The following PCDHGA4 variants were observed in gnomAD, a reference collection of about 807,000 sequenced individuals.
The protein encoded by PCDHGA4 is protocadherin gamma subfamily A, 4.
In PCDHGA4, 38 loss-of-function variants were observed where a neutral mutation model predicts 54.6. The observed-to-expected ratio is 0.70, with a 90% CI of 0.54 to 0.91. The LOEUF is 0.91. Among genes scored for constraint, PCDHGA4 ranks in the 40% least tolerant of loss-of-function variants. The pLI is 0.00. For missense variants in PCDHGA4, 1,298 were observed against 1,220.9 expected (o/e 1.06, Z -0.94); for synonymous variants, 511 against 512.9 (o/e 1.00, Z 0.05).
chr5:141,505,338 G>T, intron 2 of PCDHGA4, 55 bp from the exon 3 acceptor site: 1 of 1,612,254 alleles, frequency 6.2e-7, no homozygotes, highest in South Asian at 1.1e-5. Flanking sequence ...GGACAGGAGG[G>T]GCATGAGCTG....
At chr5:141,369,679 CAT>C (rs1189576308) in intron 1 of PCDHGA4, among the ~76,000 whole-genome samples, 3 of 152,162 alleles carry the variant, frequency 2.0e-5, no homozygotes, top group Middle Eastern at 3.4e-3. Flanking sequence ...GAAAGTGAAA[CAT>C]AGAATAAAAC....
At position 141,402,911 on chromosome 5, in the gene PCDHGA4, C is replaced by CT. The variant is rs2094320554; in HGVS notation, c.2514+45290_2514+45291insT. 6 of 1,551,858 alleles carry CT rather than the reference C, an allele frequency of 3.9e-6. No homozygotes were observed. In the African/African-American group the frequency reaches 8.2e-5, roughly 21 times the overall value. ...GAAGAAAGAACCTGATGAAGCAGCG[C>CT]GCACAGAGATCCTTTTGAGAAAATT... On this transcript the variant is annotated intron_variant, in intron 1 of 3. Coordinates refer to ENST00000571252, the MANE Select transcript of PCDHGA4 (RefSeq NM_018917.4).
At chr5:141,442,158 A>T (rs966591795) in intron 1 of PCDHGA4, 1 of 157,594 alleles carries the variant, frequency 6.3e-6, no homozygotes, top group African/African-American at 2.4e-5. Context: ...CTCAGCGATC[A>T]CTCTGCAAAG....
Position 141,431,240 on chromosome 5 carries a change from G to A in PCDHGA4, c.2515-63567G>A, listed in dbSNP as rs1402814836. 6 of 1,614,044 alleles carry A rather than the reference G, an allele frequency of 3.7e-6. No individual in the cohort carries two copies. Among genetic ancestry groups the A allele is most frequent in the Non-Finnish European group, 5.1e-6 (6 of 1,180,056 alleles). On this transcript the variant is annotated intron_variant, in intron 1 of 3. Coordinates refer to ENST00000571252, the MANE Select transcript of PCDHGA4 (RefSeq NM_018917.4). The surrounding 1 kb of genome is among the most constrained non-coding windows in gnomAD (Gnocchi z 4.8). Reference sequence around the variant, plus strand: ...CCCTCTACCCCACGCCTGGGATCCGGATATCGGGAAGAACTCTCTGCAGAG... The same window carrying A: ...CCCTCTACCCCACGCCTGGGATCCGAATATCGGGAAGAACTCTCTGCAGAG...
chr5:141,478,590 A>T, intron 1 of PCDHGA4: 1 of 1,573,342 alleles, frequency 6.4e-7, no homozygotes, highest in South Asian at 1.1e-5. Flanking sequence ...GTGCTTTTTT[A>T]TTCCTACATC....
At chr5:141,398,657 G>C in intron 1 of PCDHGA4, 1 of 1,614,018 alleles carries the variant, frequency 6.2e-7, no homozygotes, top group African/African-American at 1.3e-5. Flanking sequence ...CTTAACCCAA[G>C]TTTCTCATTA....
At chr5:141,389,562 G>C in intron 1 of PCDHGA4, 1 of 1,613,284 alleles carries the variant, frequency 6.2e-7, no homozygotes, top group Middle Eastern at 1.7e-4. Context: ...TGCGCCACGG[G>C]TGCTGTACCC....
Position 141,487,779 on chromosome 5 carries a change from T to C in PCDHGA4, c.2515-7028T>C, listed in dbSNP as rs1269811316. On this transcript the variant is annotated intron_variant, in intron 1 of 3. Coordinates refer to ENST00000571252, the MANE Select transcript of PCDHGA4 (RefSeq NM_018917.4). This position sits in a 1 kb window ranked among gnomAD's most constrained non-coding sequence, Gnocchi z 5.0. ...GTAGACGCTGTGCTTTGTAACTGTT[T>C]CGTGAATTAACCAGAGTTGTCACAG... is the stretch of plus-strand genomic sequence containing the variant. 2.6e-6 allele frequency: 4 copies of C among 1,530,492 alleles called. No individual in the cohort carries two copies. The highest frequency in any genetic ancestry group is 2.6e-6 in the Non-Finnish European group (3 of 1,133,212). The allele number at this position is 1,530,492 out of a possible 1,614,324, so 94.8% of individuals were successfully genotyped here. A position where few individuals can be genotyped will look rare whatever the true frequency, so the allele number is the denominator to read the frequency against.
chr5:141,370,204 A>G, intron 1 of PCDHGA4: 1 of 545,938 alleles, frequency 1.8e-6, no homozygotes, highest in Non-Finnish European at 3.1e-6. Flanking sequence ...TGTGCAAAAT[A>G]TTGGCTCCTC....
chr5:141,361,664 A>G (rs1762121491), intron 1 of PCDHGA4: 1 of 1,613,702 alleles, frequency 6.2e-7, no homozygotes, highest in Non-Finnish European at 8.5e-7. Context: ...GTGAGCGCGC[A>G]GAGCGGGGTG....
rs1190624035 is a variant in PCDHGA4, at chr5:141,432,332, T to G, written c.2515-62475T>G. ...GCTGAGCTCCTTCGACTACGAGCAG[T>G]TCCGAGACTTGCAAGTGAAAGTGAT... On this transcript the variant is annotated intron_variant, in intron 1 of 3. Coordinates refer to ENST00000571252, the MANE Select transcript of PCDHGA4 (RefSeq NM_018917.4). The surrounding 1 kb of genome is among the most constrained non-coding windows in gnomAD (Gnocchi z 6.0). The G allele has an allele frequency of 2.5e-6, 4 of 1,614,116 alleles. No homozygotes were observed. In the African/African-American group the frequency reaches 5.3e-5, roughly 22 times the overall value.
At chr5:141,382,787 T>A in intron 1 of PCDHGA4, 1 of 906,454 alleles carries the variant, frequency 1.1e-6, no homozygotes, top group Non-Finnish European at 1.7e-6. Context: ...CTCAAGCCTC[T>A]ATCCTGCTGG....
intron 1 of PCDHGA4, chr5:141,389,237 A>G (rs758770216): frequency 3.1e-6 from 5 of 1,612,662 alleles, no homozygotes; most frequent in Non-Finnish European, 4.2e-6. Flanking sequence ...CGGTTTTCTC[A>G]CAGTCTTCCT....
At chr5:141,361,453 C>T (rs758759325) in intron 1 of PCDHGA4, 1 of 1,613,928 alleles carries the variant, frequency 6.2e-7, no homozygotes, top group East Asian at 2.2e-5. Context: ...AATTGTCACC[C>T]TGCACATCTC....
Position 141,415,037 on chromosome 5 carries a change from T to G in PCDHGA4, c.2514+57416T>G, listed in dbSNP as rs775779136. The G allele has an allele frequency of 5.0e-6, 8 of 1,613,384 alleles. No homozygotes were observed. In the Admixed American group the frequency reaches 8.3e-5, roughly 17 times the overall value. ...CTCAAGGCCAGCGAGCCGGGACTCT[T>G]CGCGGTGGGGGAGCACACGGGCGAG... is the stretch of plus-strand genomic sequence containing the variant. On this transcript the variant is annotated intron_variant, in intron 1 of 3. Coordinates refer to ENST00000571252, the MANE Select transcript of PCDHGA4 (RefSeq NM_018917.4).
chr5:141,408,144 G>T (rs868032463), intron 1 of PCDHGA4: 1 of 1,496,068 alleles, frequency 6.7e-7, no homozygotes, highest in South Asian at 1.3e-5. Context: ...CTTTTAGCGC[G>T]GTAGAGTGCA....
At chr5:141,464,156 T>C (rs2099077051) in intron 1 of PCDHGA4, among the ~76,000 whole-genome samples, 2 of 151,752 alleles carry the variant, frequency 1.3e-5, no homozygotes, top group Non-Finnish European at 1.5e-5. Context: ...TCCCAGCTAC[T>C]TGGAAGGCTG....
rs779651957 is a variant in PCDHGA4, at chr5:141,431,167, T to G, written c.2515-63640T>G. 2 of 1,614,118 alleles carry G rather than the reference T, an allele frequency of 1.2e-6. No individual in the cohort carries two copies. Among genetic ancestry groups the G allele is most frequent in the Non-Finnish European group, 1.7e-6 (2 of 1,180,014 alleles). The stretch of plus-strand genomic sequence containing the variant: ...ACAATGCGCCTTACTTTCGTGAAAG[T>G]GAATTAGAAATAAAAATTAGTGAAA... On this transcript the variant is annotated intron_variant, in intron 1 of 3. Transcript: ENST00000571252. The surrounding 1 kb of genome is among the most constrained non-coding windows in gnomAD (Gnocchi z 4.8).
chr5:141,394,085 C>T, intron 1 of PCDHGA4: 3 of 1,613,886 alleles, frequency 1.9e-6, no homozygotes, highest in Non-Finnish European at 2.5e-6. Flanking sequence ...CAGTGATGGC[C>T]TCAGATCTAG....
Sources: gnomAD v4.1 joint callset for allele counts (sites outside exome capture counted in the v4.1 genomes callset) on GRCh38, gnomAD v4.1.1 for gene constraint, Gnocchi (gnomAD v3.1) non-coding constraint, MANE v1.5 for transcripts, NCBI Gene and HGNC (gene_info 2026-07-23, HGNC 2026-07-21) for gene names.